The following SYDE2 variants were observed in gnomAD, a reference collection of about 807,000 sequenced individuals.
The protein encoded by SYDE2 is rho GTPase-activating protein SYDE2.
A neutral mutation model predicts 91.5 loss-of-function variants in SYDE2; 76 were observed. The ratio of observed to expected loss-of-function variants is 0.83; its 90% CI spans 0.69 to 1.01. The LOEUF is 1.01. Among genes scored for constraint, SYDE2 ranks in the 50% least tolerant of loss-of-function variants. SYDE2 has a pLI of 0.00. For missense variants in SYDE2, 1,364 were observed against 1,367.7 expected (o/e 1.00, Z 0.04); for synonymous variants, 513 against 506.4 (o/e 1.01, Z -0.18).
At chr1:85,156,304 T>C (rs925479911), downstream of SYDE2, among the ~76,000 whole-genome samples, 5 of 151,860 alleles carry the variant, frequency 3.3e-5, no homozygotes, top group Non-Finnish European at 7.4e-5. Context: ...CCTTGCACTT[T>C]GGGAGGCTGA....
chr1:85,176,986 A>C (rs747920857), intron 4 of SYDE2, among the ~76,000 whole-genome samples: 6 of 152,198 alleles, frequency 3.9e-5, no homozygotes, highest in Non-Finnish European at 8.8e-5. Flanking sequence ...CCATTTCTTA[A>C]TGGCCAAATT....
chr1:85,163,466 T>C (rs1199985482), intron 6 of SYDE2, among the ~76,000 whole-genome samples: 1 of 141,152 alleles, frequency 7.1e-6, no homozygotes, highest in African/African-American at 2.6e-5. Context: ...TATATATATA[T>C]ATATATATAT....
chr1:85,183,071 C>A lies in SYDE2; in HGVS notation c.1571G>T (p.Arg524Leu). The A allele has an allele frequency of 1.2e-6, 2 of 1,613,498 alleles. No homozygotes were observed. Among genetic ancestry groups the A allele is most frequent in the Non-Finnish European group, 1.7e-6 (2 of 1,179,754 alleles). ...WSLPDKIKSP[R>L]TVRKLSMKMK... ...TTTCATGGAAAGTTTCCTCACAGTT[C>A]GTGGAGATTTTATTTTATCTGGCAA... Residue 524 changes from arginine to leucine, a missense_variant, in exon 3 of 7, where the codon CGA (arginine) becomes CTA (leucine). Arg to Leu is a moderately radical substitution (Grantham distance 102). Transcript: ENST00000341460.
chr1:85,169,078 AC>A lies in SYDE2; in HGVS notation c.2818del (p.Val940LeufsTer15). On this transcript the variant is annotated frameshift_variant, in exon 5 of 7. Coordinates refer to ENST00000341460, the MANE Select transcript of SYDE2 (RefSeq NM_032184.2). LOFTEE classifies it high-confidence loss of function. ...ENDPGDSKYT[V>X]DLLDCLPEIE... is the part of the protein sequence containing the mutation. ...CTCTGGCAGACAATCCAGCAGGTCA[AC>A]AGTGTACTTAGAGTCACCTGGGTCA... 6.2e-7 allele frequency: 1 copy of A among 1,613,926 alleles called. No individual in the cohort carries two copies. The highest frequency in any genetic ancestry group is 1.7e-5 in the Admixed American group (1 of 60,018).
intron 1 of SYDE2, 44 bp downstream of exon 1, chr1:85,200,208 A>G: frequency 1.9e-6 from 3 of 1,612,884 alleles, no homozygotes; most frequent in Non-Finnish European, 2.5e-6. Context: ...GTCGGTAAAC[A>G]GTAAGGCTCG....
At chr1:85,192,350 G>A (rs890197997) in intron 1 of SYDE2, among the ~76,000 whole-genome samples, 1 of 152,188 alleles carries the variant, frequency 6.6e-6, no homozygotes, top group Admixed American at 6.5e-5. Context: ...TGAGGCTGCA[G>A]TGAGCTATGA....
At chr1:85,156,594 C>T (rs1219199368), downstream of SYDE2, among the ~76,000 whole-genome samples, 1 of 152,062 alleles carries the variant, frequency 6.6e-6, no homozygotes, top group Non-Finnish European at 1.5e-5. Flanking sequence ...CAGTTTATAG[C>T]TATAACTCGG....
intron 4 of SYDE2, among the ~76,000 whole-genome samples, chr1:85,175,360 C>G (rs1570246699): frequency 1.3e-5 from 2 of 152,076 alleles, no homozygotes; most frequent in East Asian, 3.8e-4. Flanking sequence ...ACTAGCTGGG[C>G]GTAGTGGCGT....
At chr1:85,180,594 G>A (rs909575255) in intron 3 of SYDE2, among the ~76,000 whole-genome samples, 1 of 151,802 alleles carries the variant, frequency 6.6e-6, no homozygotes, top group Non-Finnish European at 1.5e-5. Context: ...TTGGGAGGCT[G>A]AGGCAGAATT....
chr1:85,163,901 T>C (rs2100646753), intron 6 of SYDE2, among the ~76,000 whole-genome samples: 1 of 152,280 alleles, frequency 6.6e-6, no homozygotes, highest in Non-Finnish European at 1.5e-5. Flanking sequence ...AGGAAAATAT[T>C]TGTCAGTCTT....
chr1:85,191,031 C>T lies in SYDE2; in HGVS notation c.746-279G>A, dbSNP rs1658346199. Among the ~76,000 whole-genome samples, 4 of 151,806 alleles carry T rather than the reference C, an allele frequency of 2.6e-5. No individual in the cohort carries two copies. In the South Asian group the frequency reaches 8.3e-4, roughly 32 times the overall value. ...ATAAAAACTATAGTGCTAACAAAGC[C>T]TTACCCTAAGCAAAACATACCTTAT... On this transcript the variant is annotated intron_variant, in intron 1 of 6. Coordinates refer to ENST00000341460, the MANE Select transcript of SYDE2 (RefSeq NM_032184.2).
At chr1:85,189,919 T>C in intron 2 of SYDE2, 138 bp downstream of exon 2, 1 of 720,118 alleles carries the variant, frequency 1.4e-6, no homozygotes, top group Non-Finnish European at 2.2e-6. Context: ...TTTTTGAGTT[T>C]TATTTTCATG....
chr1:85,181,186 C>G (rs1177114860), intron 3 of SYDE2: 2 of 126,950 alleles, frequency 1.6e-5, no homozygotes, highest in Non-Finnish European at 3.1e-5. Context: ...GAGTCTCACT[C>G]TATCGCCCAG....
intron 1 of SYDE2, 88 bp downstream of exon 1, chr1:85,200,164 A>G (rs1404024952): frequency 5.0e-6 from 8 of 1,585,270 alleles, no homozygotes; most frequent in Non-Finnish European, 3.4e-6. Context: ...TCGCAAAAAC[A>G]TAACTTTTTC....
intron 5 of SYDE2, among the ~76,000 whole-genome samples, chr1:85,168,607 G>A (rs1169649075): frequency 6.6e-6 from 1 of 152,114 alleles, no homozygotes; most frequent in Non-Finnish European, 1.5e-5. Context: ...GCTTTTGTTT[G>A]TCTTAAAGTT....
At position 85,190,566 on chromosome 1, in the gene SYDE2, C is replaced by A. The variant is rs149293965; in HGVS notation, c.932G>T (p.Arg311Ile). The change falls in exon 2 of 7, where the codon AGA becomes ATA. Residue 311 changes from arginine (R) to isoleucine (I), a missense_variant. Arg to Ile is a moderately conservative substitution (Grantham distance 97). Transcript: ENST00000341460. ...LEEENKKCQD[R>I]SHLSISPVSL... is the part of the protein sequence containing the mutation. ...CACAGGTGAGATGGATAAATGACTT[C>A]TATCTTGGCATTTCTTATTTTCTTC... 1.9e-6 allele frequency: 3 copies of A among 1,613,960 alleles called. No homozygotes were observed. The African/African-American group carries it at 4.0e-5, about 22-fold the overall frequency.
chr1:85,155,439 G>A (rs1477609006), downstream of SYDE2, among the ~76,000 whole-genome samples: 2 of 151,996 alleles, frequency 1.3e-5, no homozygotes, highest in Non-Finnish European at 2.9e-5. Flanking sequence ...ACAAATTTGA[G>A]ACCAGTCCTG....
rs181501478 is a variant in SYDE2, at chr1:85,192,413, A to G, written c.746-1661T>C. ...ACAGAGTGAGACCCTGTCTCTTAAA[A>G]ATAAATGAATAAATATATTTTTCCT... On this transcript the variant is annotated intron_variant, in intron 1 of 6. Coordinates refer to ENST00000341460, the MANE Select transcript of SYDE2 (RefSeq NM_032184.2). Among the ~76,000 whole-genome samples, 36 of 152,306 alleles carry G rather than the reference A, an allele frequency of 2.4e-4. 1 individual carries two copies. Among genetic ancestry groups the G allele is most frequent in the Admixed American group, 1.3e-3 (20 of 15,302 alleles).
chr1:85,198,111 AG>A (rs1013507355), intron 1 of SYDE2, among the ~76,000 whole-genome samples: 30 of 152,166 alleles, frequency 2.0e-4, no homozygotes, highest in African/African-American at 7.0e-4. Flanking sequence ...AGACCTTTAA[AG>A]AACTCTAGAG....
Sources: gnomAD v4.1 joint callset for allele counts (sites outside exome capture counted in the v4.1 genomes callset) on GRCh38, gnomAD v4.1.1 for gene constraint, MANE v1.5 for transcripts, NCBI Gene and HGNC (gene_info 2026-07-23, HGNC 2026-07-21) for gene names.